Variants in SPATS2L observed in about 807,000 individuals in gnomAD.
The protein encoded by SPATS2L is spermatogenesis associated serine rich 2 like.
SPATS2L carries 30 observed loss-of-function variants against 59.6 expected under a neutral mutation model. That is an observed-to-expected ratio of 0.50 (90% CI 0.38 to 0.68). The LOEUF is 0.68. SPATS2L is among the 30% of genes least tolerant of loss of function. The pLI is 0.00. For missense variants in SPATS2L, 615 were observed against 700.0 expected (o/e 0.88, Z 1.37); for synonymous variants, 252 against 263.5 (o/e 0.96, Z 0.42).
chr2:200,422,614 A>G (rs1047993967), intron 6 of SPATS2L, among the ~76,000 whole-genome samples: 6 of 152,062 alleles, frequency 3.9e-5, no homozygotes, highest in African/African-American at 1.4e-4. Flanking sequence ...AAAGGAAGCA[A>G]ATTCTCCTTA....
At chr2:200,414,227 CCT>C (rs1312498306) in intron 4 of SPATS2L, among the ~76,000 whole-genome samples, 3 of 152,106 alleles carry the variant, frequency 2.0e-5, no homozygotes, top group Non-Finnish European at 4.4e-5. Context: ...CCTTGCTTGT[CCT>C]TCTTGAAATT....
At chr2:200,331,704 G>T (rs564825698) in intron 2 of SPATS2L, among the ~76,000 whole-genome samples, 1 of 152,246 alleles carries the variant, frequency 6.6e-6, no homozygotes, top group East Asian at 1.9e-4. Flanking sequence ...CACCTCATTG[G>T]GTTGTTTTGA....
chr2:200,332,772 C>CTGTGTGTGTGTGTGTGTGTGTG (rs144988506), intron 2 of SPATS2L, among the ~76,000 whole-genome samples: 1 of 143,268 alleles, frequency 7.0e-6, no homozygotes, highest in East Asian at 2.0e-4. Context: ...AGTTAGCTGC[C>CTGTGTGTGTGTGTGTGTGTGTG]TGTGTGTGTG....
chr2:200,309,650 C>T (rs2079133711), intron 1 of SPATS2L, among the ~76,000 whole-genome samples: 1 of 152,194 alleles, frequency 6.6e-6, no homozygotes, highest in Non-Finnish European at 1.5e-5. Flanking sequence ...CAACATTCAA[C>T]TAATCCATTT....
In SPATS2L at chr2:200,411,703, G is replaced by C. The variant is rs192602088; in HGVS notation, c.40-608G>C. Among the ~76,000 whole-genome samples, 3 of 151,698 alleles carry C rather than the reference G, an allele frequency of 2.0e-5. No individual in the cohort carries two copies. In the East Asian group the frequency reaches 5.8e-4, roughly 29 times the overall value. On this transcript the variant is annotated intron_variant, in intron 3 of 12. Transcript: ENST00000409140. ...CTTTAACCTATTGAAATCCTTAGTG[G>C]ATATATGTATTTACTATTTTCAATG...
intron 6 of SPATS2L, among the ~76,000 whole-genome samples, chr2:200,437,662 AT>A (rs2084392679): frequency 6.6e-6 from 1 of 152,202 alleles, no homozygotes; most frequent in Non-Finnish European, 1.5e-5. Context: ...TTTGCTGAAC[AT>A]TTTGTGTACT....
In SPATS2L at chr2:200,439,158, A is replaced by T. The variant is rs1486688149; in HGVS notation, c.482A>T (p.Asp161Val). 9 of 1,613,606 alleles carry T rather than the reference A, an allele frequency of 5.6e-6. No homozygotes were observed. Among genetic ancestry groups the T allele is most frequent in the Admixed American group, 5.0e-5 (3 of 59,964 alleles). Residue 161 changes from aspartate to valine, a missense_variant, in exon 7 of 13, where the codon GAT (aspartate) becomes GTT (valine). By Grantham distance (152) the Asp-to-Val change is radical. Around this residue, in one of 3 missense-constraint regions of SPATS2L, gnomAD observed 227 missense variants for 257.4 expected, o/e 0.88. Transcript: ENST00000409140. ...CTACTGCAACAGAAACTATCCTTAG[A>T]TGGGAACCCCAAACCTATACATGGA... ...NRLLQQKLSL[D>V]GNPKPIHGTT...
At chr2:200,416,471 A>G in intron 5 of SPATS2L, 43 bp downstream of exon 5, 1 of 1,156,938 alleles carries the variant, frequency 8.6e-7, no homozygotes, top group Non-Finnish European at 1.2e-6. Context: ...TCTTCAATCA[A>G]AACCTTCATG....
chr2:200,426,379 C>G (rs1159889574), intron 6 of SPATS2L, among the ~76,000 whole-genome samples: 1 of 152,108 alleles, frequency 6.6e-6, no homozygotes, highest in Non-Finnish European at 1.5e-5. Context: ...ATCTAATACT[C>G]TATTAACATA....
chr2:200,479,830 G>T lies in SPATS2L; in HGVS notation c.*1799G>T, dbSNP rs1029101910. The T allele has an allele frequency of 1.8e-5, 7 of 398,200 alleles. No homozygotes were observed. The highest frequency in any genetic ancestry group is 2.2e-5 in the Non-Finnish European group (5 of 226,074). The allele number at this position is 398,200 out of a possible 1,614,324, so 24.7% of individuals were successfully genotyped here. ...CTGTTTCTTCTTTTGCCAAGTACAG[G>T]AGGATGTTTGCTCTCTCTGTAGAGA... On this transcript the variant is annotated 3_prime_UTR_variant, in exon 13 of 13. Transcript: ENST00000409140.
At chr2:200,466,051 C>G (rs1428209088) in intron 9 of SPATS2L, among the ~76,000 whole-genome samples, 1 of 152,142 alleles carries the variant, frequency 6.6e-6, no homozygotes, top group African/African-American at 2.4e-5. Context: ...GAAGATAATG[C>G]CTTTCAGTCT....
At chr2:200,344,521 G>T (rs141026811) in intron 2 of SPATS2L, among the ~76,000 whole-genome samples, 1 of 152,098 alleles carries the variant, frequency 6.6e-6, no homozygotes, top group African/African-American at 2.4e-5. Context: ...GAATAATGCC[G>T]CAGTGAACAT....
intron 2 of SPATS2L, among the ~76,000 whole-genome samples, chr2:200,365,896 T>G (rs987114780): frequency 1.3e-5 from 2 of 152,218 alleles, no homozygotes; most frequent in African/African-American, 2.4e-5. Context: ...GTATTTCATG[T>G]ACTGTTCTTT....
In SPATS2L at chr2:200,306,836, C is replaced by A. The variant is rs921727994; in HGVS notation, c.-159C>A. 1.0e-6 allele frequency: 1 copy of A among 980,648 alleles called. No homozygotes were observed. The highest frequency in any genetic ancestry group is 1.8e-5 in the African/African-American group (1 of 56,742). 60.7% of individuals were successfully genotyped at this position (980,648 alleles called of 1,614,324 possible). A position where few individuals can be genotyped will look rare whatever the true frequency, so the allele number is the denominator to read the frequency against. ...GGCCCGCCCTCCGAGCCGCAGGGGC[C>A]GCCACCGCCGCGGCGCCTCCCCTGG... On this transcript the variant is annotated 5_prime_UTR_variant, in exon 1 of 13. Transcript: ENST00000409140.
chr2:200,352,564 T>C (rs2080777729), intron 2 of SPATS2L, among the ~76,000 whole-genome samples: 1 of 152,014 alleles, frequency 6.6e-6, no homozygotes, highest in South Asian at 2.1e-4. Flanking sequence ...CTGGATTTAA[T>C]GGCAGGGGGC....
rs969543015 is a variant in SPATS2L at position 200,389,415 on chromosome 2, G to A, written c.39+132G>A. ...GATACGTAGTAAGTTTGCCACAACA[G>A]TAAACTGTTCAGCAGAAAGAATCAT... On this transcript the variant is annotated intron_variant, in intron 3 of 12. Coordinates refer to ENST00000409140, the MANE Select transcript of SPATS2L (RefSeq NM_001100423.2). 3 of 610,522 alleles carry A rather than the reference G, an allele frequency of 4.9e-6. No homozygotes were observed. The African/African-American group carries it at 5.6e-5, about 11-fold the overall frequency. The allele number at this position is 610,522 out of a possible 1,614,324, so 37.8% of individuals were successfully genotyped here.
chr2:200,373,695 T>C (rs2081507317), intron 2 of SPATS2L, among the ~76,000 whole-genome samples: 1 of 152,240 alleles, frequency 6.6e-6, no homozygotes. Flanking sequence ...TATGAGTTAC[T>C]TTCCTAGAGG....
chr2:200,319,224 T>C (rs1304639228), intron 1 of SPATS2L, among the ~76,000 whole-genome samples: 7 of 152,216 alleles, frequency 4.6e-5, no homozygotes, highest in Admixed American at 4.6e-4. Context: ...GTTCTCATCC[T>C]GTTAACATTC....
intron 1 of SPATS2L, among the ~76,000 whole-genome samples, chr2:200,314,159 G>A (rs766015809): frequency 3.4e-4 from 51 of 152,008 alleles, no homozygotes; most frequent in Non-Finnish European, 2.9e-5. Context: ...TCTTTAACTC[G>A]ACAAGTTCAA....
Sources: allele counts gnomAD v4.1 joint callset (sites outside exome capture counted in the v4.1 genomes callset), GRCh38; gene constraint gnomAD v4.1.1; regional missense constraint gnomAD v4.1.1; transcripts MANE v1.5; gene names NCBI Gene and HGNC (gene_info 2026-07-23, HGNC 2026-07-21).